Variants in CD1E observed in about 807,000 individuals in gnomAD.
CD1E encodes T-cell surface glycoprotein CD1e, membrane-associated.
In CD1E, 49 loss-of-function variants were observed where a neutral mutation model predicts 40.1. The observed-to-expected ratio is 1.22, with a 90% CI of 0.97 to 1.55. The LOEUF (loss-of-function observed/expected upper bound fraction) is 1.55, where lower values mean the gene tolerates loss of function less well. CD1E is among the 40% of genes most tolerant of loss of function. The probability of loss-of-function intolerance (pLI) is 0.00; values close to 1 mark genes in which losing one functional copy is unlikely to be tolerated. For missense variants in CD1E, 492 were observed against 471.3 expected, an observed-to-expected ratio of 1.04 and a Z score of -0.41; for synonymous variants, 189 against 178.3, an observed-to-expected ratio of 1.06 and a Z score of -0.48.
rs201283301 is a variant in CD1E, at chr1:158,354,383, A to G, written c.65A>G (p.Gln22Arg). 6.8e-5 allele frequency: 108 copies of G among 1,598,320 alleles called. No homozygotes were observed. In the East Asian group the frequency reaches 7.8e-4, roughly 12 times the overall value. ...CCPGENTAAPQALQSYHLAAE... is the reference protein window; with the variant it reads ...CCPGENTAAPRALQSYHLAAE... ...TCATTTCCCTCTCTCTCAGCTCCCC[A>G]GGCTCTACAATCCTATCATCTAGCA... is the stretch of plus-strand genomic sequence containing the variant. Residue 22 changes from glutamine (Q) to arginine (R), a missense_variant, in exon 2 of 6, where the codon CAG becomes CGG. Coordinates refer to ENST00000368167, the MANE Select transcript of CD1E (RefSeq NM_030893.4).
intron 4 of CD1E, 51 bp from the exon 5 acceptor site, chr1:158,356,447 T>C (rs1350449487): frequency 7.2e-7 from 1 of 1,390,260 alleles, no homozygotes; most frequent in Non-Finnish European, 1.0e-6. Flanking sequence ...AATCTCAGCT[T>C]GGTGGAATAG....
At position 158,356,073 on chromosome 1, in the gene CD1E, G is replaced by A. The variant is rs1653634787; in HGVS notation, c.872G>A (p.Ser291Asn). ...CTGTCCTGTCGGGTGAAACACAGCA[G>A]TCTAGGGGGCCATGATCTAATCATC... ...AGLSCRVKHS[S>N]LGGHDLIIHW... Residue 291 changes from serine to asparagine, a missense_variant, in exon 4 of 6, where the codon AGT becomes AAT. Physicochemically the swap from Ser to Asn is conservative, Grantham distance 46. Transcript: ENST00000368167. 1 of 1,613,894 alleles carries A rather than the reference G, an allele frequency of 6.2e-7. No homozygotes were observed. Among genetic ancestry groups the A allele is most frequent in the Non-Finnish European group, 8.5e-7 (1 of 1,179,882 alleles).
chr1:158,354,228 G>C (rs571382210), intron 1 of CD1E, 149 bp from the exon 2 acceptor site: 2 of 950,230 alleles, frequency 2.1e-6, no homozygotes, highest in African/African-American at 3.3e-5. Context: ...TCTGATTTTG[G>C]AGAAAGGAAG....
At chr1:158,354,281 C>A in intron 1 of CD1E, 96 bp from the exon 2 acceptor site, 1 of 1,202,350 alleles carries the variant, frequency 8.3e-7, no homozygotes, top group Non-Finnish European at 1.2e-6. Flanking sequence ...TACAAGCTAC[C>A]TAACTGTCTC....
At chr1:158,354,303 T>C in intron 1 of CD1E, 74 bp from the exon 2 acceptor site, 2 of 1,387,440 alleles carry the variant, frequency 1.4e-6, no homozygotes, top group Non-Finnish European at 2.0e-6. Flanking sequence ...CATCTCTGGG[T>C]TCCTTTTTTC....
rs776307837 is a variant in CD1E at position 158,355,464 on chromosome 1, C to A, written c.520C>A (p.Arg174Ser). The A allele has an allele frequency of 1.2e-6, 2 of 1,614,066 alleles. No individual in the cohort carries two copies. Among genetic ancestry groups the A allele is most frequent in the East Asian group, 2.2e-5 (1 of 44,870 alleles). Residue 174 changes from arginine (R) to serine (S), a missense_variant, in exon 3 of 6, where the codon CGC (arginine) becomes AGC (serine). Coordinates refer to ENST00000368167, the MANE Select transcript of CD1E (RefSeq NM_030893.4). ...CCAGAACATCTGTAAAGTGCTCAAT[C>A]GCTACCTAGATATTAAGGAAATACT... ...RAQNICKVLN[R>S]YLDIKEILQS...
intron 2 of CD1E, 138 bp downstream of exon 2, chr1:158,354,811 T>C (rs1298138884): frequency 1.4e-6 from 1 of 723,664 alleles, no homozygotes; most frequent in African/African-American, 1.8e-5. Context: ...CTCCCTCCTC[T>C]GCTTCACCCT....
At position 158,354,406 on chromosome 1, in the gene CD1E, G is replaced by C. The variant is rs1303822436; in HGVS notation, c.88G>C (p.Ala30Pro). ...CCAGGCTCTACAATCCTATCATCTAGCAGCAGAGGAGCAGCTGTCCTTCCG... is the reference window on the plus strand; with the variant it reads ...CCAGGCTCTACAATCCTATCATCTACCAGCAGAGGAGCAGCTGTCCTTCCG... Reference protein sequence around the residue: ...APQALQSYHLAAEEQLSFRML... With the variant: ...APQALQSYHLPAEEQLSFRML... Residue 30 changes from alanine (A) to proline (P), a missense_variant, in exon 2 of 6, where the codon GCA becomes CCA. Coordinates refer to ENST00000368167, the MANE Select transcript of CD1E (RefSeq NM_030893.4). 6.2e-7 allele frequency: 1 copy of C among 1,612,030 alleles called. No individual in the cohort carries two copies. Among genetic ancestry groups the C allele is most frequent in the East Asian group, 2.2e-5 (1 of 44,852 alleles).
intron 3 of CD1E, 44 bp downstream of exon 3, chr1:158,355,613 A>G (rs1653532870): frequency 3.8e-6 from 6 of 1,573,744 alleles, no homozygotes; most frequent in Non-Finnish European, 5.2e-6. Flanking sequence ...TAGTACTATA[A>G]CTCTCATATT....
intron 1 of CD1E, 28 bp from the exon 2 acceptor site, chr1:158,354,349 C>T: frequency 1.3e-6 from 2 of 1,558,068 alleles, no homozygotes; most frequent in Non-Finnish European, 1.7e-6. Context: ...TTTACATTCT[C>T]TCTACTTGTC....
At position 158,357,065 on chromosome 1, in the gene CD1E, G is replaced by A; in HGVS notation, c.*169G>A. Reference sequence around the variant, plus strand: ...CAGAGATTTTTTTTTTCCTGCTTTGGCTACATATCCATCATTGTTTATTTT... The same window carrying A: ...CAGAGATTTTTTTTTTCCTGCTTTGACTACATATCCATCATTGTTTATTTT... On this transcript the variant is annotated 3_prime_UTR_variant, in exon 6 of 6. Coordinates refer to ENST00000368167, the MANE Select transcript of CD1E (RefSeq NM_030893.4). The A allele has an allele frequency of 1.7e-6, 1 of 576,174 alleles. No homozygotes were observed. Among genetic ancestry groups the A allele is most frequent in the Non-Finnish European group, 3.1e-6 (1 of 326,532 alleles). The allele number at this position is 576,174 out of a possible 1,614,324, so 35.7% of individuals were successfully genotyped here. A position where few individuals can be genotyped will look rare whatever the true frequency, so the allele number is the denominator to read the frequency against.
Position 158,356,549 on chromosome 1 carries a change from T to C in CD1E, c.956T>C (p.Leu319Pro). 1 of 1,614,000 alleles carries C rather than the reference T, an allele frequency of 6.2e-7. No homozygotes were observed. Among genetic ancestry groups the C allele is most frequent in the South Asian group, 1.1e-5 (1 of 91,034 alleles). The change falls in exon 5 of 6, where the codon CTG (leucine) becomes CCG (proline). Residue 319 changes from leucine to proline, a missense_variant. Coordinates refer to ENST00000368167, the MANE Select transcript of CD1E (RefSeq NM_030893.4). The stretch of plus-strand genomic sequence containing the variant: ...ATCTGTTTGACTGTGATAGTTACCC[T>C]GGTCATATTGGTTGTAGTTGACTCA... The part of the protein sequence containing the change: ...ILICLTVIVT[L>P]VILVVVDSRL...
chr1:158,354,106 C>CTCTGGGGAGGT (rs1653307933), intron 1 of CD1E, 60 bp downstream of exon 1: 3 of 1,452,520 alleles, frequency 2.1e-6, no homozygotes, highest in Admixed American at 3.4e-5. Context: ...TGAGAGGAAG[C>CTCTGGGGAGGT]TCTGGGGAGG....
chr1:158,354,322 A>T, intron 1 of CD1E, 55 bp from the exon 2 acceptor site: 1 of 1,505,370 alleles, frequency 6.6e-7, no homozygotes, highest in Non-Finnish European at 8.9e-7. Flanking sequence ...TCCCTTTGGC[A>T]TCACTTTTCC....
rs1653783245 is a variant in CD1E at position 158,356,922 on chromosome 1, T to A, written c.*26T>A. On this transcript the variant is annotated 3_prime_UTR_variant, in exon 6 of 6. Coordinates refer to ENST00000368167, the MANE Select transcript of CD1E (RefSeq NM_030893.4). Reference sequence around the variant, plus strand: ...CATTTGCTTTACCTTATACATAAAATCCTTGTCTGCATCTTCTTAAACACC... The same window carrying A: ...CATTTGCTTTACCTTATACATAAAAACCTTGTCTGCATCTTCTTAAACACC... 1 of 1,601,244 alleles carries A rather than the reference T, an allele frequency of 6.2e-7. No homozygotes were observed. Among genetic ancestry groups the A allele is most frequent in the Admixed American group, 1.7e-5 (1 of 59,992 alleles).
Position 158,356,826 on chromosome 1 carries a change from T to C in CD1E, c.1097T>C (p.Leu366Ser). Residue 366 changes from leucine to serine, a missense_variant, in exon 6 of 6, where the codon TTG (leucine) becomes TCG (serine). Leu to Ser is a moderately radical substitution (Grantham distance 145, BLOSUM62 -2). Transcript: ENST00000368167. ...AAGAATTCAAGACATCAGTTCTGCTTGGCACAAGTATCGTGGATCAAAAAC... is the reference window on the plus strand; with the variant it reads ...AAGAATTCAAGACATCAGTTCTGCTCGGCACAAGTATCGTGGATCAAAAAC... ...DTKNSRHQFC[L>S]AQVSWIKNRV... The C allele has an allele frequency of 6.2e-7, 1 of 1,614,066 alleles. No individual in the cohort carries two copies. The highest frequency in any genetic ancestry group is 8.5e-7 in the Non-Finnish European group (1 of 1,180,000).
In CD1E at chr1:158,354,476, G is replaced by A. The variant is rs1014386065; in HGVS notation, c.158G>A (p.Ser53Asn). 2 of 1,614,036 alleles carry A rather than the reference G, an allele frequency of 1.2e-6. No individual in the cohort carries two copies. The stretch of plus-strand genomic sequence containing the variant: ...TTTGCCAACCACAGCTGGGCACACA[G>A]TGAGGGCTCAGGATGGCTGGGTGAC... ...SSFANHSWAH[S>N]EGSGWLGDLQ... The change falls in exon 2 of 6, where the codon AGT becomes AAT. Residue 53 changes from serine to asparagine, a missense_variant. Physicochemically the swap from Ser to Asn is conservative, Grantham distance 46. Transcript: ENST00000368167.
rs754722731 is a variant in CD1E at position 158,355,994 on chromosome 1, G to A, written c.793G>A (p.Glu265Lys). The part of the protein sequence containing the change: ...QRGDVLPNAD[E>K]TWYLRATLDV... The stretch of plus-strand genomic sequence containing the variant: ...AGGGGACGTCCTGCCTAATGCTGAC[G>A]AGACATGGTATCTCCGAGCAACCCT... Residue 265 changes from glutamate (E) to lysine (K), a missense_variant, in exon 4 of 6, where the codon GAG (glutamate) becomes AAG (lysine). Physicochemically the swap from Glu to Lys is moderately conservative, Grantham distance 56. Coordinates refer to ENST00000368167, the MANE Select transcript of CD1E (RefSeq NM_030893.4). The A allele has an allele frequency of 8.7e-6, 14 of 1,614,046 alleles. No individual in the cohort carries two copies. The highest frequency in any genetic ancestry group is 2.2e-5 in the East Asian group (1 of 44,868).
intron 4 of CD1E, 115 bp from the exon 5 acceptor site, chr1:158,356,383 C>T (rs965163937): frequency 1.1e-6 from 1 of 897,866 alleles, no homozygotes; most frequent in Non-Finnish European, 1.7e-6. Flanking sequence ...GAAATGAGGG[C>T]TTTGGAAAAC....
Sources: gnomAD v4.1 joint callset for allele counts on GRCh38, gnomAD v4.1.1 for gene constraint, MANE v1.5 for transcripts, NCBI Gene and HGNC (gene_info 2026-07-23, HGNC 2026-07-21) for gene names.